The following LRRC61 variants were observed in gnomAD, a reference collection of about 807,000 sequenced individuals.
The protein encoded by LRRC61 is leucine rich repeat containing 61, also known as leucine-rich repeat-containing protein 61.
Under a neutral mutation model 15.1 loss-of-function variants are expected in LRRC61, and 9 were observed. The ratio of observed to expected loss-of-function variants is 0.60; its 90% CI spans 0.36 to 1.04. The LOEUF (loss-of-function observed/expected upper bound fraction) is 1.04, where lower values mean the gene tolerates loss of function less well. Ranked by LOEUF, LRRC61 falls within the 50% of genes least tolerant of loss-of-function variation. The pLI, the probability that LRRC61 is intolerant of heterozygous loss-of-function variation, is 0.01. For synonymous variants in LRRC61, 173 were observed against 158.6 expected (o/e 1.09, Z -0.68); for missense variants, 344 against 335.6 (o/e 1.03, Z -0.20).
At chr7:150,311,943 A>G in the LRRC61 span, among the ~76,000 whole-genome samples, 1 of 152,230 alleles carries the variant, frequency 6.6e-6, no homozygotes, top group Non-Finnish European at 1.5e-5. Flanking sequence ...TTGGACTGAA[A>G]GAGGTTTTCT....
intron 2 of LRRC61, among the ~76,000 whole-genome samples, chr7:150,334,709 T>C (rs1013114274): frequency 1.3e-5 from 2 of 152,198 alleles, no homozygotes; most frequent in African/African-American, 4.8e-5. Context: ...CCCACCTGCA[T>C]TTCACATGTC....
In LRRC61 at chr7:150,337,592, C is replaced by G; in HGVS notation, c.731C>G (p.Ala244Gly). ...DRQASDSLAQ[A>G]EQVLSSAGPT... ...CAGGCCAGCGACAGCCTGGCCCAGG[C>G]GGAGCAGGTACTCAGCTCTGCGGGC... Residue 244 changes from alanine to glycine, a missense_variant, in exon 3 of 3, where the codon GCG becomes GGG. Coordinates refer to ENST00000359623, the MANE Select transcript of LRRC61 (RefSeq NM_001142928.2). 1 of 1,568,996 alleles carries G rather than the reference C, an allele frequency of 6.4e-7. No homozygotes were observed. The highest frequency in any genetic ancestry group is 8.6e-7 in the Non-Finnish European group (1 of 1,159,232).
At chr7:150,313,329 GT>G in the LRRC61 span, among the ~76,000 whole-genome samples, 2 of 152,198 alleles carry the variant, frequency 1.3e-5, no homozygotes, top group African/African-American at 4.8e-5. Flanking sequence ...GGGTGGGGGT[GT>G]TCCAGGTCAT....
In LRRC61 at chr7:150,337,754, G is replaced by A; in HGVS notation, c.*113G>A. The A allele has an allele frequency of 1.8e-6, 2 of 1,130,026 alleles. No individual in the cohort carries two copies. Among genetic ancestry groups the A allele is most frequent in the Non-Finnish European group, 2.5e-6 (2 of 808,502 alleles). 70.0% of individuals were successfully genotyped at this position (1,130,026 alleles called of 1,614,324 possible). A position where few individuals can be genotyped will look rare whatever the true frequency, so the allele number is the denominator to read the frequency against. On this transcript the variant is annotated 3_prime_UTR_variant, in exon 3 of 3. Transcript: ENST00000359623. ...ACACTGGTCACTGGCCCTGCACACT[G>A]GGCTATTGCTTTATCCCTATCCTGA...
At chr7:150,329,335 T>C (rs1798034576) in intron 2 of LRRC61, among the ~76,000 whole-genome samples, 1 of 152,206 alleles carries the variant, frequency 6.6e-6, no homozygotes, top group Non-Finnish European at 1.5e-5. Flanking sequence ...AAAGCTAAGA[T>C]GCACGGACGT....
At chr7:150,331,076 A>C (rs1798094960) in intron 2 of LRRC61, 1 of 1,613,238 alleles carries the variant, frequency 6.2e-7, no homozygotes, top group Non-Finnish European at 8.5e-7. Flanking sequence ...AAGCCTGGCC[A>C]CCATCTATCT....
At chr7:150,312,925 AAAG>A in the LRRC61 span, among the ~76,000 whole-genome samples, 1 of 152,170 alleles carries the variant, frequency 6.6e-6, no homozygotes, top group Non-Finnish European at 1.5e-5. Flanking sequence ...AAAAACCACA[AAAG>A]AAGTGAAACA....
intron 2 of LRRC61, among the ~76,000 whole-genome samples, chr7:150,329,349 G>A (rs1436383769): frequency 6.6e-6 from 1 of 152,232 alleles, no homozygotes; most frequent in African/African-American, 2.4e-5. Flanking sequence ...CGGACGTATC[G>A]GTGACACAGC....
chr7:150,329,839 C>T (rs1253258041), intron 2 of LRRC61: 3 of 153,942 alleles, frequency 1.9e-5, no homozygotes, highest in Admixed American at 1.3e-4. Context: ...TTGGATAGAG[C>T]TTGGTTGGAG....
At chr7:150,325,554 A>G (rs1294050227) in intron 1 of LRRC61, among the ~76,000 whole-genome samples, 1 of 152,168 alleles carries the variant, frequency 6.6e-6, no homozygotes, top group Non-Finnish European at 1.5e-5. Context: ...TGCAATCTCC[A>G]CTTCCCTGCT....
intron 2 of LRRC61, among the ~76,000 whole-genome samples, chr7:150,336,453 AG>A (rs1423774176): frequency 2.0e-5 from 3 of 152,250 alleles, no homozygotes; most frequent in Non-Finnish European, 4.4e-5. Context: ...TGGATTTGAC[AG>A]GAAGAACTGG....
At chr7:150,328,040 CAA>C (rs1230330965) in intron 2 of LRRC61, among the ~76,000 whole-genome samples, 2 of 152,186 alleles carry the variant, frequency 1.3e-5, no homozygotes, top group Non-Finnish European at 2.9e-5. Flanking sequence ...AGGTTTGGAA[CAA>C]GAGATGGAGG....
intron 2 of LRRC61, among the ~76,000 whole-genome samples, chr7:150,329,273 T>C (rs1401444086): frequency 6.6e-6 from 1 of 151,800 alleles, no homozygotes; most frequent in Non-Finnish European, 1.5e-5. Context: ...GAGTAAAGAG[T>C]GAGGGACCGA....
At chr7:150,336,676 GAC>G in intron 2 of LRRC61, 40 bp from the exon 3 acceptor site, 1 of 725,564 alleles carries the variant, frequency 1.4e-6, no homozygotes, top group Non-Finnish European at 2.2e-6. Flanking sequence ...TGCTGCGTAA[GAC>G]ACAGAAAGTG....
chr7:150,326,187 A>G (rs751610881), intron 2 of LRRC61, among the ~76,000 whole-genome samples, 177 bp downstream of exon 2: 2 of 152,220 alleles, frequency 1.3e-5, no homozygotes, highest in Admixed American at 6.5e-5. Flanking sequence ...CTGAGCCCCA[A>G]GTGCCAGCCA....
chr7:150,313,974 C>T, the LRRC61 span, among the ~76,000 whole-genome samples: 1 of 152,170 alleles, frequency 6.6e-6, no homozygotes, highest in Non-Finnish European at 1.5e-5. Flanking sequence ...ATGAACAACT[C>T]GAGGCAGAGG....
At chr7:150,332,970 C>T (rs1035165829) in intron 2 of LRRC61, among the ~76,000 whole-genome samples, 5 of 152,150 alleles carry the variant, frequency 3.3e-5, no homozygotes, top group East Asian at 1.9e-4. Flanking sequence ...ACTCACATGT[C>T]GGGGCGGGGA....
intron 2 of LRRC61, among the ~76,000 whole-genome samples, chr7:150,329,476 A>G (rs963819606): frequency 2.0e-5 from 3 of 152,134 alleles, no homozygotes; most frequent in Admixed American, 6.5e-5. Flanking sequence ...GCAGGTCTGC[A>G]GCGGTCCCCC....
chr7:150,324,181 G>A (rs1797845498), intron 1 of LRRC61, among the ~76,000 whole-genome samples: 1 of 152,158 alleles, frequency 6.6e-6, no homozygotes, highest in Admixed American at 6.5e-5. Flanking sequence ...GGAGGAAGAT[G>A]AGACTTGAGG....
Sources: allele counts gnomAD v4.1 joint callset (sites outside exome capture counted in the v4.1 genomes callset), GRCh38; gene constraint gnomAD v4.1.1; transcripts MANE v1.5; gene names NCBI Gene and HGNC (gene_info 2026-07-23, HGNC 2026-07-21).